GLIS3: variants seen among roughly 807,000 people sequenced by gnomAD.
GLIS3 encodes zinc finger protein GLIS3.
GLIS3 carries 53 observed loss-of-function variants against 78.6 expected under a neutral mutation model. The ratio of observed to expected loss-of-function variants is 0.67; its 90% CI spans 0.54 to 0.85. The LOEUF is 0.85. Among genes scored for constraint, GLIS3 ranks in the 40% least tolerant of loss-of-function variants. The probability of loss-of-function intolerance (pLI) is 0.00; values close to 1 mark genes in which losing one functional copy is unlikely to be tolerated. For synonymous variants in GLIS3, 684 were observed against 509.9 expected, an observed-to-expected ratio of 1.34 and a Z score of -4.60; for missense variants, 1,703 against 1,231.1, an observed-to-expected ratio of 1.38 and a Z score of -5.74.
intron 2 of GLIS3, among the ~76,000 whole-genome samples, chr9:4,189,496 G>A (rs1194686667): frequency 1.3e-5 from 2 of 152,174 alleles, no homozygotes; most frequent in Non-Finnish European, 2.9e-5. Flanking sequence ...GAGTTCTGTA[G>A]ATGTCTATTA....
chr9:4,022,830 A>G (rs1822999828), intron 4 of GLIS3, among the ~76,000 whole-genome samples: 1 of 152,228 alleles, frequency 6.6e-6, no homozygotes, highest in Admixed American at 6.5e-5. Flanking sequence ...GAAAGTATAC[A>G]CTATATGATA....
chr9:4,272,482 G>A (rs1056727523), intron 2 of GLIS3, among the ~76,000 whole-genome samples: 3 of 152,038 alleles, frequency 2.0e-5, no homozygotes, highest in Admixed American at 2.0e-4. Context: ...CCTCCTGCCG[G>A]GTGTGCTTGG....
At chr9:4,348,093 G>T (rs1817917381) in intron 1 of GLIS3, 1 of 152,158 alleles carries the variant, frequency 6.6e-6, no homozygotes, top group Non-Finnish European at 1.5e-5. Flanking sequence ...AATGCACAGA[G>T]ATCTTTGAAT....
intron 2 of GLIS3, among the ~76,000 whole-genome samples, chr9:4,155,053 G>A (rs971741681): frequency 1.3e-5 from 2 of 152,148 alleles, no homozygotes; most frequent in Non-Finnish European, 2.9e-5. Context: ...ACACATGCAT[G>A]TATTTGCTTA....
At chr9:3,876,351 A>G (rs1035762589) in intron 8 of GLIS3, among the ~76,000 whole-genome samples, 5 of 151,986 alleles carry the variant, frequency 3.3e-5, no homozygotes, top group African/African-American at 4.8e-5. Context: ...TGAGATCCCT[A>G]TTAGATCCCT....
chr9:4,215,751 T>C (rs77140745), intron 2 of GLIS3, among the ~76,000 whole-genome samples: 7 of 152,342 alleles, frequency 4.6e-5, no homozygotes, highest in Admixed American at 4.6e-4. Context: ...AGTTTCCTCA[T>C]AACATTGTGG....
chr9:4,043,127 TC>T (rs1824962896), intron 4 of GLIS3, among the ~76,000 whole-genome samples: 1 of 152,108 alleles, frequency 6.6e-6, no homozygotes, highest in Non-Finnish European at 1.5e-5. Context: ...CCCCTCCCCT[TC>T]CCACAGCCCC....
At chr9:4,369,996 A>C in the GLIS3 span, among the ~76,000 whole-genome samples, 292 of 152,244 alleles carry the variant, frequency 1.9e-3, no homozygotes, top group African/African-American at 6.9e-3. Context: ...GTTCGAGACC[A>C]GCCTGGCCAA....
At chr9:4,211,451 C>A (rs931690742) in intron 2 of GLIS3, among the ~76,000 whole-genome samples, 1 of 152,180 alleles carries the variant, frequency 6.6e-6, no homozygotes, top group Non-Finnish European at 1.5e-5. Context: ...GCACCTTTTT[C>A]TGTAAGGAAA....
At chr9:4,282,495 A>C (rs557240381) in intron 2 of GLIS3, among the ~76,000 whole-genome samples, 3 of 152,212 alleles carry the variant, frequency 2.0e-5, no homozygotes, top group East Asian at 1.9e-4. Context: ...TTGCCTTCCA[A>C]CTGGGACACT....
intron 4 of GLIS3, among the ~76,000 whole-genome samples, chr9:4,092,842 C>G (rs1259455199): frequency 6.6e-6 from 1 of 152,156 alleles, no homozygotes; most frequent in East Asian, 1.9e-4. Flanking sequence ...AACAGCAACA[C>G]AGATTTTTAT....
At chr9:4,468,152 T>C in the GLIS3 span, among the ~76,000 whole-genome samples, 1 of 151,638 alleles carries the variant, frequency 6.6e-6, no homozygotes, top group Admixed American at 6.6e-5. Context: ...AAAGACCAAA[T>C]ATCTGATTGG....
At chr9:4,269,102 C>G (rs897245331) in intron 2 of GLIS3, among the ~76,000 whole-genome samples, 1 of 152,180 alleles carries the variant, frequency 6.6e-6, no homozygotes, top group East Asian at 1.9e-4. Flanking sequence ...CAGAATAACT[C>G]CTTATCATTA....
the GLIS3 span, among the ~76,000 whole-genome samples, chr9:4,465,527 C>T: frequency 3.6e-4 from 54 of 151,916 alleles, no homozygotes; most frequent in African/African-American, 1.2e-3. Flanking sequence ...CCGGCCTGGG[C>T]GACAGAGTGA....
Position 4,168,445 on chromosome 9 carries a change from A to C in GLIS3, c.389-42504T>G, listed in dbSNP as rs527843761. ...CTGAATGGTTCTGTGTATCATATGC[A>C]AAGAAATGTTCCCACAACAAAGTCA... On this transcript the variant is annotated intron_variant, in intron 2 of 10. Coordinates refer to ENST00000381971, the MANE Select transcript of GLIS3 (RefSeq NM_001042413.2). Among the ~76,000 whole-genome samples, 11 of 152,316 alleles carry C rather than the reference A, an allele frequency of 7.2e-5. 2 individuals carry two copies. The South Asian group carries it at 2.3e-3, about 32-fold the overall frequency.
At chr9:4,150,225 C>G (rs1347746355) in intron 2 of GLIS3, among the ~76,000 whole-genome samples, 8 of 152,186 alleles carry the variant, frequency 5.3e-5, no homozygotes, top group Admixed American at 5.2e-4. Flanking sequence ...GAAAGGGGGT[C>G]TTTTCTAAAA....
intron 2 of GLIS3, among the ~76,000 whole-genome samples, chr9:4,170,391 G>A (rs1816274074): frequency 6.6e-6 from 1 of 150,900 alleles, no homozygotes. Flanking sequence ...CAACAGATCT[G>A]CACTGTTCCA....
At chr9:4,296,486 C>T (rs4483210) in intron 1 of GLIS3, among the ~76,000 whole-genome samples, 10,411 of 152,116 alleles carry the variant, frequency 0.068, 774 homozygotes, top group African/African-American at 0.19. Context: ...CATCCACCAC[C>T]CCAATAAAGA....
intron 2 of GLIS3, among the ~76,000 whole-genome samples, chr9:4,272,873 A>G (rs1001219718): frequency 6.6e-6 from 1 of 152,206 alleles, no homozygotes; most frequent in Admixed American, 6.5e-5. Context: ...ATGCGTAATT[A>G]TTAATAGGGC....
Sources: gnomAD v4.1 joint callset for allele counts (sites outside exome capture counted in the v4.1 genomes callset) on GRCh38, gnomAD v4.1.1 for gene constraint, MANE v1.5 for transcripts, NCBI Gene and HGNC (gene_info 2026-07-23, HGNC 2026-07-21) for gene names.